Variants in LRRN1 observed in about 807,000 individuals in gnomAD.
LRRN1 encodes the protein leucine rich repeat neuronal 1.
A neutral mutation model predicts 45.8 loss-of-function variants in LRRN1; 14 were observed. That is an observed-to-expected ratio of 0.31 (90% CI 0.20 to 0.48). LRRN1 has a LOEUF of 0.48. LRRN1 is among the 20% of genes least tolerant of loss of function. The probability of loss-of-function intolerance (pLI) is 0.99; values close to 1 mark genes in which losing one functional copy is unlikely to be tolerated. For missense variants in LRRN1, 789 were observed against 874.2 expected, an observed-to-expected ratio of 0.90 and a Z score of 1.23; for synonymous variants, 359 against 330.1, an observed-to-expected ratio of 1.09 and a Z score of -0.95.
chr3:3,832,097 G>A (rs559647508), intron 1 of LRRN1, among the ~76,000 whole-genome samples: 1 of 152,224 alleles, frequency 6.6e-6, no homozygotes, highest in African/African-American at 2.4e-5. Flanking sequence ...ATAATCTGCT[G>A]TCATTCTCCA....
At chr3:3,820,243 TA>T (rs1465274126) in intron 1 of LRRN1, among the ~76,000 whole-genome samples, 2 of 152,204 alleles carry the variant, frequency 1.3e-5, no homozygotes, top group Non-Finnish European at 2.9e-5. Flanking sequence ...AGGAAGTAAC[TA>T]AAATGCCTAA....
chr3:3,829,196 C>G (rs115616681), intron 1 of LRRN1, among the ~76,000 whole-genome samples: 1 of 152,012 alleles, frequency 6.6e-6, no homozygotes, highest in Non-Finnish European at 1.5e-5. Flanking sequence ...TAGACTGATT[C>G]CATTTTGATA....
chr3:3,840,036 G>A (rs899036208), intron 1 of LRRN1, among the ~76,000 whole-genome samples: 2 of 152,108 alleles, frequency 1.3e-5, no homozygotes, highest in Non-Finnish European at 2.9e-5. Context: ...GCAAGAATAG[G>A]CATCCTTTCC....
intron 1 of LRRN1, among the ~76,000 whole-genome samples, chr3:3,840,420 G>C (rs1693624373): frequency 6.6e-6 from 1 of 152,084 alleles, no homozygotes; most frequent in Non-Finnish European, 1.5e-5. Context: ...TGTGATAATG[G>C]ATTTACATTT....
At chr3:3,801,006 G>C (rs1461334595) in intron 1 of LRRN1, 1 of 152,338 alleles carries the variant, frequency 6.6e-6, no homozygotes, top group Non-Finnish European at 1.5e-5. Flanking sequence ...GAAAAGTCCA[G>C]CAGCGAGAGG....
intron 1 of LRRN1, among the ~76,000 whole-genome samples, chr3:3,837,824 C>A (rs537778292): frequency 4.0e-5 from 6 of 151,892 alleles, no homozygotes; most frequent in African/African-American, 1.4e-4. Flanking sequence ...ACCTATCAAC[C>A]CATCACCTAT....
chr3:3,806,078 C>CT (rs5846291), intron 1 of LRRN1, among the ~76,000 whole-genome samples: 150,295 of 152,244 alleles, frequency 0.99, 74,213 homozygotes, highest in Middle Eastern at 1. Flanking sequence ...TTTTTGTCAT[C>CT]GCTGTCACAA....
Position 3,845,284 on chromosome 3 carries a change from G to A in LRRN1, c.643G>A (p.Ala215Thr), listed in dbSNP as rs547803135. The A allele has an allele frequency of 7.4e-6, 12 of 1,613,900 alleles. No homozygotes were observed. The highest frequency in any genetic ancestry group is 2.2e-5 in the South Asian group (2 of 91,078). ...TCTGGATATGAACTTCAAACCCCTC[G>A]CAAATTTGAGAAGCTTAGTTTTGGC... ...GILDMNFKPL[A>T]NLRSLVLAGM... The change falls in exon 2 of 2, where the codon GCA (alanine) becomes ACA (threonine). Residue 215 changes from alanine (A) to threonine (T), a missense_variant. Coordinates refer to ENST00000319331, the MANE Select transcript of LRRN1 (RefSeq NM_020873.7). This position sits in a 1 kb window ranked among gnomAD's most constrained non-coding sequence, Gnocchi z 6.5.
At chr3:3,826,332 G>A (rs908879039) in intron 1 of LRRN1, among the ~76,000 whole-genome samples, 4 of 152,160 alleles carry the variant, frequency 2.6e-5, no homozygotes, top group Non-Finnish European at 5.9e-5. Flanking sequence ...GTTCCTTTAG[G>A]CCTGGGAAGC....
At chr3:3,830,751 T>C (rs1693353630) in intron 1 of LRRN1, among the ~76,000 whole-genome samples, 1 of 152,142 alleles carries the variant, frequency 6.6e-6, no homozygotes. Flanking sequence ...CATTTGATGA[T>C]GGAATGCTGC....
At chr3:3,802,794 T>C (rs79610576) in intron 1 of LRRN1, among the ~76,000 whole-genome samples, 1 of 152,358 alleles carries the variant, frequency 6.6e-6, no homozygotes, top group East Asian at 1.9e-4. Flanking sequence ...TAAAATAAAC[T>C]TGACATTTCT....
intron 1 of LRRN1, among the ~76,000 whole-genome samples, chr3:3,804,741 A>G (rs1397429523): frequency 6.6e-6 from 1 of 152,120 alleles, no homozygotes; most frequent in Non-Finnish European, 1.5e-5. Flanking sequence ...TGTGTATGAA[A>G]CAGACACACT....
intron 1 of LRRN1, chr3:3,827,381 C>G (rs1296151696): frequency 2.2e-6 from 1 of 454,648 alleles, no homozygotes; most frequent in East Asian, 7.0e-5. Flanking sequence ...TAGCTGAAGG[C>G]AGAGTGGCCT....
chr3:3,815,265 A>G (rs1692964733), intron 1 of LRRN1, among the ~76,000 whole-genome samples: 1 of 152,170 alleles, frequency 6.6e-6, no homozygotes, highest in African/African-American at 2.4e-5. Context: ...TTTTGTGACC[A>G]ATTTTAAGCT....
rs570754308 is a variant in LRRN1, at chr3:3,833,242, T to C, written c.-278-11122T>C. ...ATCCACTCCACCATCTCAATCTCCCTAGGCCTTTGGATCCCTTCCTCTACA... is the reference window on the plus strand; with the variant it reads ...ATCCACTCCACCATCTCAATCTCCCCAGGCCTTTGGATCCCTTCCTCTACA... On this transcript the variant is annotated intron_variant, in intron 1 of 1. Coordinates refer to ENST00000319331, the MANE Select transcript of LRRN1 (RefSeq NM_020873.7). 1.2e-4 allele frequency among the ~76,000 whole-genome samples: 18 copies of C among 152,312 alleles called. No homozygotes were observed. In the East Asian group the frequency reaches 3.3e-3, roughly 28 times the overall value.
At chr3:3,815,904 T>TAG (rs1401869682) in intron 1 of LRRN1, among the ~76,000 whole-genome samples, 1 of 2,846 alleles carries the variant, frequency 3.5e-4, no homozygotes, top group East Asian at 0.17. Context: ...AAATAACCCT[T>TAG]TCTTAGTCTA....
chr3:3,837,830 C>T (rs1427305751), intron 1 of LRRN1, among the ~76,000 whole-genome samples: 1 of 151,782 alleles, frequency 6.6e-6, no homozygotes, highest in African/African-American at 2.4e-5. Context: ...CAACCCATCA[C>T]CTATGTATTA....
Position 3,845,780 on chromosome 3 carries a change from A to C in LRRN1, c.1139A>C (p.His380Pro). Residue 380 changes from histidine (H) to proline (P), a missense_variant, in exon 2 of 2, where the codon CAC becomes CCC. His to Pro is a moderately conservative substitution (Grantham distance 77). Coordinates refer to ENST00000319331, the MANE Select transcript of LRRN1 (RefSeq NM_020873.7). This position sits in a 1 kb window ranked among gnomAD's most constrained non-coding sequence, Gnocchi z 6.5. ...SNPLRCDCVI[H>P]WINSNKTNIR... ...CCCCTCAGGTGTGACTGTGTGATCC[A>C]CTGGATTAACTCCAACAAAACCAAC... The C allele has an allele frequency of 6.2e-7, 1 of 1,614,082 alleles. No individual in the cohort carries two copies. The highest frequency in any genetic ancestry group is 2.2e-5 in the East Asian group (1 of 44,862).
chr3:3,811,692 G>C (rs150603440), intron 1 of LRRN1, among the ~76,000 whole-genome samples: 1 of 152,164 alleles, frequency 6.6e-6, no homozygotes, highest in Admixed American at 6.5e-5. Context: ...TGCCAAGGAA[G>C]TGTTATTAAT....
Sources: allele counts gnomAD v4.1 joint callset (sites outside exome capture counted in the v4.1 genomes callset), GRCh38; gene constraint gnomAD v4.1.1; non-coding constraint Gnocchi (gnomAD v3.1); transcripts MANE v1.5; gene names NCBI Gene and HGNC (gene_info 2026-07-23, HGNC 2026-07-21).